Variants in ZDHHC2 observed in about 807,000 individuals in gnomAD.
The protein encoded by ZDHHC2 is palmitoyltransferase ZDHHC2.
Under a neutral mutation model 55.6 loss-of-function variants are expected in ZDHHC2, and 51 were observed. The ratio of observed to expected loss-of-function variants is 0.92; its 90% CI spans 0.73 to 1.16. ZDHHC2 has a LOEUF of 1.16. Ranked by LOEUF, ZDHHC2 falls within the 50% of genes most tolerant of loss-of-function variation. The pLI is 0.00. For synonymous variants in ZDHHC2, 199 were observed against 152.9 expected (o/e 1.30, Z -2.22); for missense variants, 491 against 442.4 (o/e 1.11, Z -0.99).
intron 6 of ZDHHC2, among the ~76,000 whole-genome samples, chr8:17,204,624 C>CT (rs1807000716): frequency 6.6e-6 from 1 of 151,998 alleles, no homozygotes; most frequent in African/African-American, 2.4e-5. Flanking sequence ...CACATGGACA[C>CT]AGAGGAGGGA....
chr8:17,197,858 C>T (rs192423382), intron 5 of ZDHHC2, among the ~76,000 whole-genome samples: 73 of 152,296 alleles, frequency 4.8e-4, no homozygotes, highest in African/African-American at 1.2e-3. Context: ...CCCAGATTCA[C>T]GGTGCCCTGA....
At chr8:17,187,698 G>A (rs1045205317) in intron 3 of ZDHHC2, among the ~76,000 whole-genome samples, 1 of 151,720 alleles carries the variant, frequency 6.6e-6, no homozygotes, top group East Asian at 1.9e-4. Flanking sequence ...CCTAGTAGTA[G>A]GTTTGAAGAA....
chr8:17,159,816 A>G (rs901292910), intron 1 of ZDHHC2, among the ~76,000 whole-genome samples: 2 of 152,208 alleles, frequency 1.3e-5, no homozygotes, highest in African/African-American at 4.8e-5. Context: ...TTTGTTGATT[A>G]ACGAGGCTCT....
chr8:17,187,676 C>T (rs915022656), intron 3 of ZDHHC2, among the ~76,000 whole-genome samples: 1 of 151,926 alleles, frequency 6.6e-6, no homozygotes, highest in Non-Finnish European at 1.5e-5. Context: ...TCTCTCTTAC[C>T]CTCATCCTGT....
At chr8:17,216,201 C>T (rs74650268) in intron 11 of ZDHHC2, among the ~76,000 whole-genome samples, 7 of 152,092 alleles carry the variant, frequency 4.6e-5, no homozygotes, top group African/African-American at 1.7e-4. Context: ...TCAAATAAAC[C>T]AGTCAACGTT....
intron 12 of ZDHHC2, among the ~76,000 whole-genome samples, chr8:17,219,700 G>A (rs1007382864): frequency 6.6e-6 from 1 of 152,072 alleles, no homozygotes; most frequent in Non-Finnish European, 1.5e-5. Flanking sequence ...CTTGAGCCAG[G>A]GAGGCGGAAT....
At chr8:17,196,932 T>C (rs1028214026) in intron 4 of ZDHHC2, among the ~76,000 whole-genome samples, 4 of 152,134 alleles carry the variant, frequency 2.6e-5, no homozygotes, top group Non-Finnish European at 5.9e-5. Flanking sequence ...AAGAGGTTTT[T>C]ATATTACTTA....
At chr8:17,191,119 G>A (rs1806006037) in intron 3 of ZDHHC2, among the ~76,000 whole-genome samples, 1 of 151,584 alleles carries the variant, frequency 6.6e-6, no homozygotes. Flanking sequence ...CTGCCACCAC[G>A]CCCGGCTATT....
chr8:17,187,163 G>A (rs1246881534), intron 3 of ZDHHC2, among the ~76,000 whole-genome samples: 1 of 152,240 alleles, frequency 6.6e-6, no homozygotes, highest in African/African-American at 2.4e-5. Context: ...GAGAAGAAGA[G>A]AAATATGGTT....
intron 9 of ZDHHC2, 136 bp from the exon 10 acceptor site, chr8:17,210,252 G>C: frequency 1.9e-6 from 2 of 1,054,724 alleles, no homozygotes; most frequent in Non-Finnish European, 2.7e-6. Flanking sequence ...TGAACACTAT[G>C]TTGAGCTCAA....
chr8:17,182,058 T>C (rs1012461788), intron 1 of ZDHHC2, among the ~76,000 whole-genome samples: 1 of 152,316 alleles, frequency 6.6e-6, no homozygotes, highest in Non-Finnish European at 1.5e-5. Flanking sequence ...GAAAGAACAT[T>C]CATTTCCTGA....
At position 17,198,543 on chromosome 8, in the gene ZDHHC2, A is replaced by G. The variant is rs1205207115; in HGVS notation, c.476+130A>G. ...TGACATAGCAGGAACTTTTGGATTTAGTTTCTAATATTTGTTTAACTTAAA... is the reference window on the plus strand; with the variant it reads ...TGACATAGCAGGAACTTTTGGATTTGGTTTCTAATATTTGTTTAACTTAAA... On this transcript the variant is annotated intron_variant, in intron 6 of 12. Transcript: ENST00000262096. The G allele has an allele frequency of 1.5e-5, 12 of 809,866 alleles. No homozygotes were observed. In the South Asian group the frequency reaches 2.1e-4, roughly 14 times the overall value. 50.2% of individuals were successfully genotyped at this position (809,866 alleles called of 1,614,324 possible). A position where few individuals can be genotyped will look rare whatever the true frequency, so the allele number is the denominator to read the frequency against.
Position 17,222,945 on chromosome 8 carries a change from A to G in ZDHHC2, c.*2724A>G, listed in dbSNP as rs1418470226. On this transcript the variant is annotated 3_prime_UTR_variant, in exon 13 of 13. Transcript: ENST00000262096. ...TTCTGAGGACAATTAGAAACAGACTATAAAACTCAACTACACTGTAATCAA... is the reference window on the plus strand; with the variant it reads ...TTCTGAGGACAATTAGAAACAGACTGTAAAACTCAACTACACTGTAATCAA... 6.6e-6 allele frequency: 1 copy of G among 151,882 alleles called. No individual in the cohort carries two copies. The highest frequency in any genetic ancestry group is 1.5e-5 in the Non-Finnish European group (1 of 67,786). The allele number at this position is 151,882 out of a possible 1,614,324, so 9.4% of individuals were successfully genotyped here.
Position 17,222,421 on chromosome 8 carries a change from TA to T in ZDHHC2, c.*2206del, listed in dbSNP as rs1423291265. The T allele has an allele frequency of 6.6e-6, 1 of 151,858 alleles. No homozygotes were observed. The highest frequency in any genetic ancestry group is 1.5e-5 in the Non-Finnish European group (1 of 67,788). The allele number at this position is 151,858 out of a possible 1,614,324, so 9.4% of individuals were successfully genotyped here. A position where few individuals can be genotyped will look rare whatever the true frequency, so the allele number is the denominator to read the frequency against. ...AAAATTTACCTTTAAGTATTTACTT[TA>T]AAAAATTTAATGGCTTAACTCGAAC... is the stretch of plus-strand genomic sequence containing the variant. On this transcript the variant is annotated 3_prime_UTR_variant, in exon 13 of 13. Coordinates refer to ENST00000262096, the MANE Select transcript of ZDHHC2 (RefSeq NM_016353.5).
chr8:17,188,934 C>T (rs144910412), intron 3 of ZDHHC2, among the ~76,000 whole-genome samples: 4 of 152,174 alleles, frequency 2.6e-5, no homozygotes, highest in East Asian at 1.9e-4. Context: ...CTTTTTCTCT[C>T]GGACGCCACA....
At chr8:17,184,470 A>G (rs913161026) in intron 1 of ZDHHC2, among the ~76,000 whole-genome samples, 12 of 152,264 alleles carry the variant, frequency 7.9e-5, no homozygotes, top group East Asian at 1.9e-4. Context: ...TCTGAACTCT[A>G]TAGTTGGAAG....
chr8:17,190,286 A>G (rs910382033), intron 3 of ZDHHC2, among the ~76,000 whole-genome samples: 1 of 152,066 alleles, frequency 6.6e-6, no homozygotes, highest in Non-Finnish European at 1.5e-5. Context: ...AAGAATATAT[A>G]CCAATAAATA....
chr8:17,214,370 G>A (rs976007703), intron 10 of ZDHHC2, among the ~76,000 whole-genome samples: 1 of 152,116 alleles, frequency 6.6e-6, no homozygotes, highest in African/African-American at 2.4e-5. Context: ...TGTTGTTTCA[G>A]TTTTACAGAA....
intron 1 of ZDHHC2, 91 bp downstream of exon 1, chr8:17,156,944 C>A: frequency 8.1e-7 from 1 of 1,239,774 alleles, no homozygotes; most frequent in Non-Finnish European, 1.1e-6. Context: ...CTCTCGCCCC[C>A]CGGATGCGCC....
Sources: allele counts gnomAD v4.1 joint callset (sites outside exome capture counted in the v4.1 genomes callset), GRCh38; gene constraint gnomAD v4.1.1; transcripts MANE v1.5; gene names NCBI Gene and HGNC (gene_info 2026-07-23, HGNC 2026-07-21).